The following CPQ variants were observed in gnomAD, a reference collection of about 807,000 sequenced individuals.
CPQ encodes the protein Ser-Met dipeptidase.
CPQ carries 37 observed loss-of-function variants against 45.7 expected under a neutral mutation model. That is an observed-to-expected ratio of 0.81 (90% CI 0.62 to 1.07). CPQ has a LOEUF of 1.07. Ranked by LOEUF, CPQ falls within the 50% of genes least tolerant of loss-of-function variation. CPQ has a pLI of 0.00. For synonymous variants in CPQ, 186 were observed against 205.8 expected (o/e 0.90, Z 0.82); for missense variants, 537 against 572.9 (o/e 0.94, Z 0.64).
chr8:97,094,756 A>T (rs964409860), intron 7 of CPQ, among the ~76,000 whole-genome samples: 2 of 150,978 alleles, frequency 1.3e-5, no homozygotes, highest in African/African-American at 4.9e-5. Flanking sequence ...TCGCCATTAA[A>T]ATATATATAT....
intron 5 of CPQ, among the ~76,000 whole-genome samples, chr8:97,017,361 C>T (rs988438715): frequency 2.0e-5 from 3 of 152,304 alleles, no homozygotes; most frequent in Non-Finnish European, 4.4e-5. Context: ...AGAAGGAAAC[C>T]TCCAGCTGAA....
intron 3 of CPQ, among the ~76,000 whole-genome samples, chr8:96,873,237 G>A (rs896640301): frequency 6.6e-6 from 1 of 151,646 alleles, no homozygotes; most frequent in Non-Finnish European, 1.5e-5. Context: ...CCTCTCTTCT[G>A]CCATTTCAAA....
rs572097712 is a variant in CPQ at position 97,006,870 on chromosome 8, C to G, written c.962-22533C>G. On this transcript the variant is annotated intron_variant, in intron 5 of 7. Coordinates refer to ENST00000220763, the MANE Select transcript of CPQ (RefSeq NM_016134.4). ...CTGTGGCAGGTTGCTGGCTCATTCT[C>G]CTGCATGGAAGAGTTGAAACTCGTC... is the stretch of plus-strand genomic sequence containing the variant. Among the ~76,000 whole-genome samples the G allele has an allele frequency of 4.1e-4, 63 of 152,190 alleles. 1 individual carries two copies. The highest frequency in any genetic ancestry group is 1.3e-3 in the Admixed American group (20 of 15,284).
At chr8:96,726,842 C>G (rs1286095261) in intron 1 of CPQ, among the ~76,000 whole-genome samples, 1 of 152,042 alleles carries the variant, frequency 6.6e-6, no homozygotes, top group Non-Finnish European at 1.5e-5. Flanking sequence ...AAGTGATGCC[C>G]TTTGCTGCCT....
intron 3 of CPQ, among the ~76,000 whole-genome samples, chr8:96,870,846 T>C (rs1812058539): frequency 6.6e-6 from 1 of 151,890 alleles, no homozygotes; most frequent in Admixed American, 6.6e-5. Context: ...ATATCACCCT[T>C]CCTTAAATCT....
intron 1 of CPQ, among the ~76,000 whole-genome samples, chr8:96,765,908 A>G (rs560207220): frequency 6.6e-5 from 10 of 152,312 alleles, no homozygotes; most frequent in African/African-American, 2.4e-4. Context: ...AGACTGAGAA[A>G]TAAACAGGAA....
intron 6 of CPQ, among the ~76,000 whole-genome samples, chr8:97,033,836 A>T (rs967652112): frequency 1.3e-5 from 2 of 152,184 alleles, no homozygotes; most frequent in African/African-American, 4.8e-5. Flanking sequence ...TTTGTGGAAT[A>T]ATGAATTATT....
At chr8:97,077,898 A>C (rs1334340613) in intron 7 of CPQ, among the ~76,000 whole-genome samples, 2 of 152,334 alleles carry the variant, frequency 1.3e-5, no homozygotes, top group African/African-American at 4.8e-5. Context: ...AATCTATGCA[A>C]ACAGAACTTT....
intron 3 of CPQ, among the ~76,000 whole-genome samples, chr8:96,867,569 T>A (rs1205209070): frequency 1.3e-5 from 2 of 151,956 alleles, no homozygotes; most frequent in Non-Finnish European, 2.9e-5. Context: ...ACTTGGAAAA[T>A]GTAGAAAAGT....
rs538438738 is a variant in CPQ, at chr8:96,885,864, C to T, written c.849+5859C>T. Among the ~76,000 whole-genome samples the T allele has an allele frequency of 1.5e-3, 232 of 151,974 alleles. 2 individuals are homozygous for T. Among genetic ancestry groups the T allele is most frequent in the Non-Finnish European group, 2.2e-3 (147 of 67,954 alleles). On this transcript the variant is annotated intron_variant, in intron 4 of 7. Transcript: ENST00000220763. ...AAAGTTAGCCGGGTGTGGTGGCGGG[C>T]GCCTGTAGCCCCAGCTACTGGAGAG...
At chr8:97,092,493 G>T (rs1006500010) in intron 7 of CPQ, 1 of 152,104 alleles carries the variant, frequency 6.6e-6, no homozygotes, top group Non-Finnish European at 1.5e-5. Context: ...AATGGAACAG[G>T]TTAGAGAAGC....
intron 2 of CPQ, among the ~76,000 whole-genome samples, chr8:96,812,899 A>T (rs532142488): frequency 3.6e-5 from 5 of 138,422 alleles, no homozygotes; most frequent in African/African-American, 7.7e-5. Flanking sequence ...ATTCCTGTTT[A>T]AAAAAAAAAA....
At chr8:97,109,173 C>T (rs992962430) in intron 7 of CPQ, among the ~76,000 whole-genome samples, 6 of 152,172 alleles carry the variant, frequency 3.9e-5, no homozygotes, top group African/African-American at 7.2e-5. Flanking sequence ...CCCATTCCTG[C>T]TTCTAGCCAT....
rs956133267 is a variant in CPQ, at chr8:96,980,890, A to G, written c.961+14844A>G. On this transcript the variant is annotated intron_variant, in intron 5 of 7. Coordinates refer to ENST00000220763, the MANE Select transcript of CPQ (RefSeq NM_016134.4). ...TGTGTCATAAATGTTATGCAGACTT[A>G]ACACTCTGAGGACATGGGGATGCAC... 7.9e-5 allele frequency among the ~76,000 whole-genome samples: 12 copies of G among 152,312 alleles called. 1 individual carries two copies. In the South Asian group the frequency reaches 1.9e-3, roughly 24 times the overall value.
At chr8:96,651,296 T>G (rs1415888260) in intron 1 of CPQ, among the ~76,000 whole-genome samples, 1 of 152,200 alleles carries the variant, frequency 6.6e-6, no homozygotes, top group Non-Finnish European at 1.5e-5. Context: ...AAATGTAAAT[T>G]CACCAATATA....
intron 1 of CPQ, among the ~76,000 whole-genome samples, chr8:96,676,996 A>G (rs1809084809): frequency 6.6e-6 from 1 of 151,986 alleles, no homozygotes; most frequent in African/African-American, 2.4e-5. Flanking sequence ...TGCTGCAAAG[A>G]CCTGATTTTG....
chr8:97,078,629 G>A (rs894774735), intron 7 of CPQ, among the ~76,000 whole-genome samples: 13 of 151,934 alleles, frequency 8.6e-5, no homozygotes, highest in Non-Finnish European at 1.8e-4. Context: ...GTATCAACAC[G>A]ATCACCAACA....
intron 1 of CPQ, among the ~76,000 whole-genome samples, chr8:96,730,821 A>T (rs540303875): frequency 1.4e-5 from 2 of 139,042 alleles, no homozygotes; most frequent in Non-Finnish European, 3.1e-5. Context: ...TCTAATGAGT[A>T]TCTAAGTTTG....
intron 7 of CPQ, among the ~76,000 whole-genome samples, chr8:97,111,344 T>C (rs1473852391): frequency 6.6e-6 from 1 of 152,180 alleles, no homozygotes; most frequent in African/African-American, 2.4e-5. Context: ...GTAACTCTTC[T>C]CTCCCATGAA....
Sources: allele counts gnomAD v4.1 joint callset (sites outside exome capture counted in the v4.1 genomes callset), GRCh38; gene constraint gnomAD v4.1.1; transcripts MANE v1.5; gene names NCBI Gene and HGNC (gene_info 2026-07-23, HGNC 2026-07-21).